Variants in BEND3 observed in about 807,000 individuals in gnomAD.
BEND3 encodes BEN domain-containing protein 3.
Under a neutral mutation model 60.1 loss-of-function variants are expected in BEND3, and 13 were observed. That is an observed-to-expected ratio of 0.22 (90% confidence interval 0.14 to 0.34). The LOEUF (loss-of-function observed/expected upper bound fraction) is 0.34, where lower values mean the gene tolerates loss of function less well. Ranked by LOEUF, BEND3 falls within the 10% of genes least tolerant of loss-of-function variation. The probability of loss-of-function intolerance (pLI) is 1.00; values close to 1 mark genes in which losing one functional copy is unlikely to be tolerated. For missense variants in BEND3, 896 were observed against 1,138.1 expected (o/e 0.79, Z 3.06); for synonymous variants, 497 against 491.5 (o/e 1.01, Z -0.15).
At chr6:107,086,966 A>G (rs1554234370) in intron 3 of BEND3, among the ~76,000 whole-genome samples, 6 of 148,438 alleles carry the variant, frequency 4.0e-5, no homozygotes, top group Non-Finnish European at 8.9e-5. Context: ...CGGAGGTTGC[A>G]GTGGGCAGAG....
At position 107,070,200 on chromosome 6, in the gene BEND3, G is replaced by A; in HGVS notation, c.991C>T (p.Gln331Ter). 1 of 1,612,730 alleles carries A rather than the reference G, an allele frequency of 6.2e-7. No individual in the cohort carries two copies. Among genetic ancestry groups the A allele is most frequent in the Non-Finnish European group, 8.5e-7 (1 of 1,179,864 alleles). Residue 331 changes from glutamine (Q) to a stop codon, truncating the protein, a stop_gained, in exon 4 of 4, where the codon CAG becomes TAG. Coordinates refer to ENST00000369042, the MANE Select transcript of BEND3 (RefSeq NM_001367314.1). LOFTEE classifies it high-confidence loss of function. This position sits in a 1 kb window ranked among gnomAD's most constrained non-coding sequence, Gnocchi z 6.9. ...TAVWQAECLP[Q>*]LNDFFSRFWA... ...AAGCGGCTGAAGAAGTCGTTCAGCT[G>A]GGGCAGGCACTCGGCCTGCCACACA... is the stretch of plus-strand genomic sequence containing the variant.
chr6:107,115,423 C>T lies in BEND3; in HGVS notation c.-345G>A, dbSNP rs1248618540. Among the ~76,000 whole-genome samples the T allele has an allele frequency of 2.0e-5, 3 of 148,292 alleles. No homozygotes were observed. Among genetic ancestry groups the T allele is most frequent in the African/African-American group, 7.3e-5 (3 of 41,010 alleles). ...CTCAGCGGGGCACACGCGGGACCGG[C>T]GGCGGCGGCGCTCGGGCGTGAACGG... On this transcript the variant is annotated 5_prime_UTR_variant, in exon 1 of 4. Transcript: ENST00000369042.
intron 3 of BEND3, among the ~76,000 whole-genome samples, chr6:107,086,522 G>A (rs1276368540): frequency 6.6e-6 from 1 of 152,076 alleles, no homozygotes; most frequent in Admixed American, 6.5e-5. Flanking sequence ...GGCTGAGGCA[G>A]GAGAATCGCT....
intron 3 of BEND3, among the ~76,000 whole-genome samples, chr6:107,094,582 T>C (rs1775543582): frequency 1.3e-5 from 2 of 151,232 alleles, no homozygotes; most frequent in African/African-American, 4.9e-5. Context: ...GATCGCGCCA[T>C]TGCACTTCAG....
intron 3 of BEND3, among the ~76,000 whole-genome samples, chr6:107,082,266 T>A (rs1481341139): frequency 6.6e-6 from 1 of 152,102 alleles, no homozygotes; most frequent in Non-Finnish European, 1.5e-5. Flanking sequence ...TCCAGGGGGA[T>A]AATGTACGTA....
Position 107,069,437 on chromosome 6 carries a change from A to T in BEND3, c.1754T>A (p.Leu585His). 2 of 1,612,574 alleles carry T rather than the reference A, an allele frequency of 1.2e-6. No individual in the cohort carries two copies. The highest frequency in any genetic ancestry group is 1.7e-6 in the Non-Finnish European group (2 of 1,180,030). Residue 585 changes from leucine to histidine, a missense_variant, in exon 4 of 4, where the codon CTC becomes CAC. Around this residue, in one of 4 missense-constraint regions of BEND3, gnomAD observed 846 missense variants for 1,036.7 expected, o/e 0.82. Coordinates refer to ENST00000369042, the MANE Select transcript of BEND3 (RefSeq NM_001367314.1). ...SRLLVHLFPE[L>H]FTHENLRKQY... ...CTTGCGCAGGTTCTCGTGCGTGAAG[A>T]GCTCGGGGAACAGGTGCACCAGCAG...
chr6:107,080,982 C>A (rs182346751), intron 3 of BEND3, among the ~76,000 whole-genome samples: 67 of 152,176 alleles, frequency 4.4e-4, no homozygotes, highest in Non-Finnish European at 1.8e-4. Context: ...TATTTTTTGG[C>A]ATGGGATCTC....
chr6:107,091,478 A>T (rs1163895728), intron 3 of BEND3, among the ~76,000 whole-genome samples: 1 of 152,204 alleles, frequency 6.6e-6, no homozygotes, highest in Non-Finnish European at 1.5e-5. Flanking sequence ...GAGAGATCCC[A>T]CTACAGGCCC....
chr6:107,113,320 C>T (rs1770159819), intron 1 of BEND3, among the ~76,000 whole-genome samples: 1 of 151,392 alleles, frequency 6.6e-6, no homozygotes, highest in Admixed American at 6.6e-5. Context: ...GACTGTAATC[C>T]CAGCTACTCC....
Position 107,065,772 on chromosome 6 carries a change from T to C in BEND3, c.*2932A>G, listed in dbSNP as rs1554230698. On this transcript the variant is annotated 3_prime_UTR_variant, in exon 4 of 4. Coordinates refer to ENST00000369042, the MANE Select transcript of BEND3 (RefSeq NM_001367314.1). ...TAGATCCCATTGGTTGGTTGGTTGA[T>C]GATTGCTGCTGATGTGGTTCCCCAC... The C allele has an allele frequency of 1.3e-5, 2 of 152,198 alleles. No individual in the cohort carries two copies. Among genetic ancestry groups the C allele is most frequent in the South Asian group, 2.1e-4 (1 of 4,832 alleles). The allele number at this position is 152,198 out of a possible 1,614,324, so 9.4% of individuals were successfully genotyped here. A position where few individuals can be genotyped will look rare whatever the true frequency, so the allele number is the denominator to read the frequency against.
Position 107,069,029 on chromosome 6 carries a change from A to G in BEND3, c.2162T>C (p.Leu721Pro), listed in dbSNP as rs2114991749. 1 of 1,613,724 alleles carries G rather than the reference A, an allele frequency of 6.2e-7. No homozygotes were observed. The highest frequency in any genetic ancestry group is 8.5e-7 in the Non-Finnish European group (1 of 1,180,010). The change falls in exon 4 of 4, where the codon CTG becomes CCG. Residue 721 changes from leucine to proline, a missense_variant. By Grantham distance (98) the Leu-to-Pro change is moderately conservative. Transcript: ENST00000369042. The stretch of plus-strand genomic sequence containing the variant: ...GATCTCACGCACCTCCTTGTCAGAC[A>G]GCAGGTAGGGAGAAGGCACCGGGAA... ...PDFPVPSPYL[L>P]SDKEVREIVQ...
intron 3 of BEND3, among the ~76,000 whole-genome samples, chr6:107,097,409 A>G (rs1485875824): frequency 6.6e-6 from 1 of 151,958 alleles, no homozygotes; most frequent in Non-Finnish European, 1.5e-5. Flanking sequence ...TAAATTAGAG[A>G]AACAAGTTGT....
intron 1 of BEND3, among the ~76,000 whole-genome samples, chr6:107,113,456 A>C (rs1275822722): frequency 1.4e-5 from 2 of 146,602 alleles, no homozygotes; most frequent in African/African-American, 2.7e-5. Context: ...AAAAAAAACA[A>C]AAAAAAAACT....
rs1774835036 is a variant in BEND3 at position 107,066,605 on chromosome 6, T to A, written c.*2099A>T. Reference sequence around the variant, plus strand: ...TGCTTCTAAAGTTGCAGGGTCAACATTCCACCCTCTAGAAAGCAGGGCAAT... The same window carrying A: ...TGCTTCTAAAGTTGCAGGGTCAACAATCCACCCTCTAGAAAGCAGGGCAAT... On this transcript the variant is annotated 3_prime_UTR_variant, in exon 4 of 4. Transcript: ENST00000369042. 1 of 152,622 alleles carries A rather than the reference T, an allele frequency of 6.6e-6. No individual in the cohort carries two copies. The highest frequency in any genetic ancestry group is 1.5e-5 in the Non-Finnish European group (1 of 68,036). 9.5% of individuals were successfully genotyped at this position (152,622 alleles called of 1,614,324 possible).
chr6:107,089,190 T>C (rs1208557363), intron 3 of BEND3, among the ~76,000 whole-genome samples: 1 of 151,826 alleles, frequency 6.6e-6, no homozygotes, highest in Non-Finnish European at 1.5e-5. Flanking sequence ...AAAACATTCA[T>C]GTGAGAAATT....
chr6:107,087,437 C>G (rs1362172941), intron 3 of BEND3, among the ~76,000 whole-genome samples: 1 of 152,074 alleles, frequency 6.6e-6, no homozygotes, highest in Non-Finnish European at 1.5e-5. Context: ...ATGCCAAGGA[C>G]TCTAATGGAA....
intron 3 of BEND3, among the ~76,000 whole-genome samples, chr6:107,072,989 A>G (rs1775014460): frequency 2.0e-5 from 3 of 151,770 alleles, no homozygotes; most frequent in Admixed American, 2.0e-4. Context: ...CCCCATCTCA[A>G]TAATAATTAA....
chr6:107,113,958 T>C (rs1422164557), intron 1 of BEND3: 1 of 152,216 alleles, frequency 6.6e-6, no homozygotes, highest in Non-Finnish European at 1.5e-5. Flanking sequence ...ATTCAACCAT[T>C]CAAAAGTTAC....
chr6:107,077,094 C>T (rs1775116414), intron 3 of BEND3, among the ~76,000 whole-genome samples: 1 of 152,084 alleles, frequency 6.6e-6, no homozygotes, highest in East Asian at 1.9e-4. Flanking sequence ...CCCTCTAGAA[C>T]ATGTACTCTT....
Sources: allele counts gnomAD v4.1 joint callset (sites outside exome capture counted in the v4.1 genomes callset), GRCh38; gene constraint gnomAD v4.1.1; regional missense constraint gnomAD v4.1.1; non-coding constraint Gnocchi (gnomAD v3.1); transcripts MANE v1.5; gene names NCBI Gene and HGNC (gene_info 2026-07-23, HGNC 2026-07-21).